The following TRAPPC14 variants were observed in gnomAD, a reference collection of about 807,000 sequenced individuals.
TRAPPC14 encodes microtubule associated protein 11.
TRAPPC14 carries 24 observed loss-of-function variants against 56.6 expected under a neutral mutation model. That is an observed-to-expected ratio of 0.42 (90% CI 0.31 to 0.60). The LOEUF (loss-of-function observed/expected upper bound fraction) is 0.60. Ranked by LOEUF, TRAPPC14 falls within the 20% of genes least tolerant of loss-of-function variation. The probability of loss-of-function intolerance (pLI) is 0.14; values close to 1 mark genes in which losing one functional copy is unlikely to be tolerated. For synonymous variants in TRAPPC14, 377 were observed against 347.0 expected, an observed-to-expected ratio of 1.09 and a Z score of -0.96; for missense variants, 615 against 790.3, an observed-to-expected ratio of 0.78 and a Z score of 2.66.
At chr7:100,157,783 T>C (rs371044218) in intron 2 of TRAPPC14, 21 bp from the exon 3 acceptor site, 64 of 1,614,084 alleles carry the variant, frequency 4.0e-5, no homozygotes, top group Non-Finnish European at 5.3e-5. Flanking sequence ...GAAAGACAGA[T>C]GGCTGAGCCC....
intron 8 of TRAPPC14, 186 bp downstream of exon 8, chr7:100,156,200 C>A: frequency 3.2e-6 from 2 of 629,456 alleles, no homozygotes. Flanking sequence ...CCCACTGCCT[C>A]TCTAAACTCT....
chr7:100,156,136 G>A, intron 8 of TRAPPC14: 1 of 617,556 alleles, frequency 1.6e-6, no homozygotes, highest in South Asian at 1.8e-5. Flanking sequence ...GAGAGAAGTA[G>A]AGTTCACACC....
At chr7:100,156,823 C>T (rs1350212359) in intron 6 of TRAPPC14, 22 bp downstream of exon 6, 3 of 1,612,100 alleles carry the variant, frequency 1.9e-6, no homozygotes, top group African/African-American at 2.7e-5. Context: ...TTTCTTTGAA[C>T]ACACCAGCCC....
rs745306683 is a variant in TRAPPC14, at chr7:100,157,694, C to T, written c.576G>A (p.Leu192=). The T allele has an allele frequency of 1.4e-5, 22 of 1,614,238 alleles. No individual in the cohort carries two copies. In the Admixed American group the frequency reaches 3.3e-4, roughly 24 times the overall value. ...TCTCCCCAGGAGATCGGGTCTGCAG[C>T]AATCGCAGGTAGCCTTGATCTCTGA... ...PEVRDQGYLR[L]LQTRSPGETF... Residue 192 remains leucine, a synonymous_variant, in exon 3 of 11, where the codon TTG becomes TTA. Coordinates refer to ENST00000316937, the MANE Select transcript of TRAPPC14 (RefSeq NM_018275.5).
At chr7:100,155,862 G>GT (rs1364668951) in intron 8 of TRAPPC14, 37 bp from the exon 9 acceptor site, 3 of 1,613,748 alleles carry the variant, frequency 1.9e-6, no homozygotes, top group Non-Finnish European at 2.5e-6. Flanking sequence ...ACACTACAGC[G>GT]TTCCTCATTC....
chr7:100,157,994 C>T, intron 1 of TRAPPC14, 56 bp from the exon 2 acceptor site: 1 of 1,476,694 alleles, frequency 6.8e-7, no homozygotes, highest in Admixed American at 2.5e-5. Flanking sequence ...AGCCTGCAGC[C>T]TTTCCCTTTA....
intron 1 of TRAPPC14, 39 bp from the exon 2 acceptor site, chr7:100,157,977 C>A: frequency 2.0e-6 from 3 of 1,501,696 alleles, no homozygotes; most frequent in South Asian, 1.3e-5. Context: ...AGGAGCAAGT[C>A]AGAGGCAGCC....
In TRAPPC14 at chr7:100,156,510, C is replaced by T; in HGVS notation, c.1116G>A (p.Met372Ile). 2 of 1,614,162 alleles carry T rather than the reference C, an allele frequency of 1.2e-6. No homozygotes were observed. Among genetic ancestry groups the T allele is most frequent in the Non-Finnish European group, 1.7e-6 (2 of 1,180,028 alleles). The change falls in exon 8 of 11, where the codon ATG (methionine) becomes ATA (isoleucine). Residue 372 changes from methionine to isoleucine, a missense_variant. Coordinates refer to ENST00000316937, the MANE Select transcript of TRAPPC14 (RefSeq NM_018275.5). Reference sequence around the variant, plus strand: ...GAACAGGGGACTTACAAGAAGCGGTCATCACAAAACACGGGCGGTCCAAGC... The same window carrying T: ...GAACAGGGGACTTACAAGAAGCGGTTATCACAAAACACGGGCGGTCCAAGC... ...SVRLDRPCFVMTASCKSPVRT... is the reference protein window; with the variant it reads ...SVRLDRPCFVITASCKSPVRT...
rs1455037658 is a variant in TRAPPC14 at position 100,158,354 on chromosome 7, A to T, written c.146T>A (p.Val49Glu). The change falls in exon 1 of 11, where the codon GTG (valine) becomes GAG (glutamate). Residue 49 changes from valine to glutamate, a missense_variant. By Grantham distance (121) the Val-to-Glu change is moderately radical (BLOSUM62 -2). Transcript: ENST00000316937. ...YLGETVRFLL[V>E]LRCRGGAGSG... is the part of the protein sequence containing the mutation. The stretch of plus-strand genomic sequence containing the variant: ...CCCCGCACCGCCCCGGCAGCGCAAC[A>T]CCAGCAGAAAACGGACAGTCTCCCC... 6.7e-7 allele frequency: 1 copy of T among 1,486,696 alleles called. No homozygotes were observed. Among genetic ancestry groups the T allele is most frequent in the Admixed American group, 2.4e-5 (1 of 42,432 alleles). 92.1% of individuals were successfully genotyped at this position (1,486,696 alleles called of 1,614,324 possible).
At position 100,157,368 on chromosome 7, in the gene TRAPPC14, C is replaced by G; in HGVS notation, c.724+5G>C. ...CCGGAGGCTGGAGCCGGCAGCCCTG[C>G]TTACCCTTGAGCACGGTCAAGTGTT... On this transcript the variant is annotated splice_donor_5th_base_variant and intron_variant, in intron 4 of 10. Coordinates refer to ENST00000316937, the MANE Select transcript of TRAPPC14 (RefSeq NM_018275.5). The G allele has an allele frequency of 6.2e-7, 1 of 1,614,090 alleles. No individual in the cohort carries two copies. The highest frequency in any genetic ancestry group is 8.5e-7 in the Non-Finnish European group (1 of 1,179,954).
In TRAPPC14 at chr7:100,156,460, G is replaced by A. The variant is rs912990588; in HGVS notation, c.1166C>T (p.Thr389Ile). ...PVRTYERFTV[T>I]YTLLNNLQDF... ...TTGGAGATTGTTAAGCAGCGTGTAG[G>A]TGACAGTGAAACGCTCGTAGGTCCG... The change falls in exon 8 of 11, where the codon ACC becomes ATC. Residue 389 changes from threonine (T) to isoleucine (I), a missense_variant. Physicochemically the swap from Thr to Ile is moderately conservative, Grantham distance 89 (BLOSUM62 -1). Transcript: ENST00000316937. The A allele has an allele frequency of 8.1e-6, 13 of 1,614,000 alleles. No homozygotes were observed. The highest frequency in any genetic ancestry group is 1.0e-5 in the Non-Finnish European group (12 of 1,180,004).
Position 100,155,106 on chromosome 7 carries a change from G to T in TRAPPC14, c.1648C>A (p.Arg550Ser). The part of the protein sequence containing the change: ...ITPPVASPVG[R>S]PLYLPPDKAV... The stretch of plus-strand genomic sequence containing the variant: ...TTGTCCGGGGGCAGGTAGAGGGGGC[G>T]GCCAACAGGAGAGGCCACAGGGGGC... Residue 550 changes from arginine (R) to serine (S), a missense_variant, in exon 11 of 11, where the codon CGC (arginine) becomes AGC (serine). Arg to Ser is a moderately radical substitution (Grantham distance 110). Transcript: ENST00000316937. The T allele has an allele frequency of 6.2e-7, 1 of 1,613,846 alleles. No homozygotes were observed. Among genetic ancestry groups the T allele is most frequent in the East Asian group, 2.2e-5 (1 of 44,884 alleles).
Position 100,154,948 on chromosome 7 carries a change from C to G in TRAPPC14, c.*63G>C. The G allele has an allele frequency of 1.3e-6, 2 of 1,562,812 alleles. No homozygotes were observed. Among genetic ancestry groups the G allele is most frequent in the South Asian group, 2.2e-5 (2 of 89,916 alleles). On this transcript the variant is annotated 3_prime_UTR_variant, in exon 11 of 11. Coordinates refer to ENST00000316937, the MANE Select transcript of TRAPPC14 (RefSeq NM_018275.5). Reference sequence around the variant, plus strand: ...TCCCAGGGGAGGCACAGCCCGGGAGCAGGGATCCCCTCTGGGGGCGTTGGG... The same window carrying G: ...TCCCAGGGGAGGCACAGCCCGGGAGGAGGGATCCCCTCTGGGGGCGTTGGG...
chr7:100,156,837 A>G lies in TRAPPC14; in HGVS notation c.993+8T>C, dbSNP rs376788983. 1.2e-6 allele frequency: 2 copies of G among 1,613,658 alleles called. No individual in the cohort carries two copies. The highest frequency in any genetic ancestry group is 2.7e-5 in the African/African-American group (2 of 74,826). Reference sequence around the variant, plus strand: ...TTTTCTTTGAACACACCAGCCCCTTATGCTCACCTCCTTGGCCCCTGGAGG... The same window carrying G: ...TTTTCTTTGAACACACCAGCCCCTTGTGCTCACCTCCTTGGCCCCTGGAGG... On this transcript the variant is annotated splice_region_variant and intron_variant, in intron 6 of 10. Transcript: ENST00000316937.
At position 100,155,112 on chromosome 7, in the gene TRAPPC14, C is replaced by G. The variant is rs370094287; in HGVS notation, c.1642G>C (p.Val548Leu). The G allele has an allele frequency of 6.2e-7, 1 of 1,613,594 alleles. No individual in the cohort carries two copies. The highest frequency in any genetic ancestry group is 2.2e-5 in the East Asian group (1 of 44,884). Residue 548 changes from valine (V) to leucine (L), a missense_variant, in exon 11 of 11, where the codon GTT (valine) becomes CTT (leucine). Physicochemically the swap from Val to Leu is conservative, Grantham distance 32. Transcript: ENST00000316937. The part of the protein sequence containing the change: ...RAITPPVASP[V>L]GRPLYLPPDK... ...GGGGGCAGGTAGAGGGGGCGGCCAA[C>G]AGGAGAGGCCACAGGGGGCGTGATG...
Position 100,157,831 on chromosome 7 carries a change from T to C in TRAPPC14, c.507+12A>G, listed in dbSNP as rs769563134. On this transcript the variant is annotated intron_variant, in intron 2 of 10. Transcript: ENST00000316937. ...TGAATTAGGACAATAGCTCCACTCT[T>C]GCTCATCTTACCTTGGCCTTAGGTG... is the stretch of plus-strand genomic sequence containing the variant. The C allele has an allele frequency of 1.2e-6, 2 of 1,610,368 alleles. No homozygotes were observed. Among genetic ancestry groups the C allele is most frequent in the Non-Finnish European group, 1.7e-6 (2 of 1,177,342 alleles).
At chr7:100,156,600 C>G in intron 7 of TRAPPC14, 34 bp downstream of exon 7, 1 of 1,610,696 alleles carries the variant, frequency 6.2e-7, no homozygotes, top group South Asian at 1.1e-5. Context: ...GCCACAAAGG[C>G]GAACGCCACG....
rs1416507641 is a variant in TRAPPC14 at position 100,157,888 on chromosome 7, G to A, written c.462C>T (p.Leu154=). The change falls in exon 2 of 11, where the codon CTC becomes CTT. Residue 154 remains leucine, a synonymous_variant. Transcript: ENST00000316937. ...GGGGCAGTCTATCCAGTGAAACGGT[G>A]AGTGGGAAGATGACCTCATCTGTGG... ...IVSTDEVIFP[L]TVSLDRLPPG... 2 of 1,565,476 alleles carry A rather than the reference G, an allele frequency of 1.3e-6. No individual in the cohort carries two copies. Among genetic ancestry groups the A allele is most frequent in the East Asian group, 2.2e-5 (1 of 44,480 alleles).
rs1404496192 is a variant in TRAPPC14, at chr7:100,158,637, C to G, written c.-138G>C. On this transcript the variant is annotated 5_prime_UTR_variant, in exon 1 of 11. Coordinates refer to ENST00000316937, the MANE Select transcript of TRAPPC14 (RefSeq NM_018275.5). ...GGCGGCCGGAGAGACCGGCCCGGTC[C>G]CGGCACCGGGGCAACGAACCCGAAC... 1.1e-6 allele frequency: 1 copy of G among 884,200 alleles called. No homozygotes were observed. Among genetic ancestry groups the G allele is most frequent in the Non-Finnish European group, 1.5e-6 (1 of 668,018 alleles). 54.8% of individuals were successfully genotyped at this position (884,200 alleles called of 1,614,324 possible). A position where few individuals can be genotyped will look rare whatever the true frequency, so the allele number is the denominator to read the frequency against.
Sources: allele counts gnomAD v4.1 joint callset, GRCh38; gene constraint gnomAD v4.1.1; transcripts MANE v1.5; gene names NCBI Gene and HGNC (gene_info 2026-07-23, HGNC 2026-07-21).